The following ADCY1 variants were observed in gnomAD, a reference collection of about 807,000 sequenced individuals.
The protein encoded by ADCY1 is adenylate cyclase type 1.
ADCY1 carries 28 observed loss-of-function variants against 105.4 expected under a neutral mutation model. That is an observed-to-expected ratio of 0.27 (90% CI 0.20 to 0.36). The LOEUF is 0.36. Ranked by LOEUF, ADCY1 falls within the 10% of genes least tolerant of loss-of-function variation. The probability of loss-of-function intolerance (pLI) is 1.00; values close to 1 mark genes in which losing one functional copy is unlikely to be tolerated. For missense variants in ADCY1, 977 were observed against 1,434.2 expected (o/e 0.68, Z 5.15); for synonymous variants, 655 against 623.8 (o/e 1.05, Z -0.75).
intron 14 of ADCY1, among the ~76,000 whole-genome samples, chr7:45,701,958 G>A (rs542383179): frequency 9.9e-5 from 15 of 152,144 alleles, no homozygotes; most frequent in Non-Finnish European, 1.9e-4. Flanking sequence ...AACACCTGGC[G>A]CCGTCTATCT....
At position 45,718,307 on chromosome 7, in the gene ADCY1, C is replaced by G. The variant is rs889109872; in HGVS notation, c.*4312C>G. 2 of 152,240 alleles carry G rather than the reference C, an allele frequency of 1.3e-5. No homozygotes were observed. Among genetic ancestry groups the G allele is most frequent in the African/African-American group, 4.8e-5 (2 of 41,456 alleles). The allele number at this position is 152,240 out of a possible 1,614,324, so 9.4% of individuals were successfully genotyped here. Reference sequence around the variant, plus strand: ...GAGTCTAAAGGATAACATATCAAGGCTTACCTGTGATAGGCCATTTTAAGG... The same window carrying G: ...GAGTCTAAAGGATAACATATCAAGGGTTACCTGTGATAGGCCATTTTAAGG... On this transcript the variant is annotated 3_prime_UTR_variant, in exon 20 of 20. Transcript: ENST00000297323.
chr7:45,587,238 G>C (rs894152476), intron 1 of ADCY1, among the ~76,000 whole-genome samples: 4 of 152,170 alleles, frequency 2.6e-5, no homozygotes, highest in African/African-American at 9.7e-5. Flanking sequence ...AGCATGCTCT[G>C]CCCAGAGCTG....
chr7:45,717,349 G>A lies in ADCY1; in HGVS notation c.*3354G>A, dbSNP rs1424264668. 6.6e-6 allele frequency: 1 copy of A among 152,500 alleles called. No individual in the cohort carries two copies. The highest frequency in any genetic ancestry group is 1.5e-5 in the Non-Finnish European group (1 of 68,034). 9.4% of individuals were successfully genotyped at this position (152,500 alleles called of 1,614,324 possible). A position where few individuals can be genotyped will look rare whatever the true frequency, so the allele number is the denominator to read the frequency against. On this transcript the variant is annotated 3_prime_UTR_variant, in exon 20 of 20. Coordinates refer to ENST00000297323, the MANE Select transcript of ADCY1 (RefSeq NM_021116.4). ...CCCCAGCCACTTCCTGGGAGTTCAG[G>A]AACTGTGTTTAGCCATAATGTCCCT...
rs372892987 is a variant in ADCY1, at chr7:45,686,666, C to T, written c.2447C>T (p.Ala816Val). ...AGGCTGAGGCTGGACTACCTCTGGG[C>T]CGCACAGGCAAGACGAGCCCTTTCT... The part of the protein sequence containing the change: ...DIRLRLDYLW[A>V]AQAEEEREDM... Residue 816 changes from alanine (A) to valine (V), a missense_variant, in exon 14 of 20, where the codon GCC becomes GTC. Physicochemically the swap from Ala to Val is moderately conservative, Grantham distance 64. Around this residue, in one of 7 missense-constraint regions of ADCY1, gnomAD observed 152 missense variants for 293.7 expected, o/e 0.52. Coordinates refer to ENST00000297323, the MANE Select transcript of ADCY1 (RefSeq NM_021116.4). The surrounding 1 kb of genome is among the most constrained non-coding windows in gnomAD (Gnocchi z 4.3). The T allele has an allele frequency of 1.9e-5, 31 of 1,607,966 alleles. No individual in the cohort carries two copies. Among genetic ancestry groups the T allele is most frequent in the Non-Finnish European group, 2.5e-5 (29 of 1,175,998 alleles).
At chr7:45,687,038 G>A (rs752125937) in intron 14 of ADCY1, among the ~76,000 whole-genome samples, 2 of 152,156 alleles carry the variant, frequency 1.3e-5, no homozygotes, top group Admixed American at 6.5e-5. Context: ...AGTGGCAGCA[G>A]GTCTCATCGG....
chr7:45,583,937 GTTTTTT>G lies in ADCY1; in HGVS notation c.639+8778_639+8783del, dbSNP rs869216986. On this transcript the variant is annotated intron_variant, in intron 1 of 19. Transcript: ENST00000297323. ...TTACAGGCATGAGCCACTGTGCCCT[GTTTTTT>G]TTTTTTTTTTTTTTTTTTTTTTCAG... 1.1e-4 allele frequency among the ~76,000 whole-genome samples: 6 copies of G among 56,898 alleles called. No individual in the cohort carries two copies. In the East Asian group the frequency reaches 2.9e-3, roughly 27 times the overall value. The allele number at this position is 56,898 out of a possible 152,430, so 37.3% of individuals were successfully genotyped here.
chr7:45,704,734 G>A, intron 17 of ADCY1, 118 bp downstream of exon 17: 1 of 767,524 alleles, frequency 1.3e-6, no homozygotes, highest in Non-Finnish European at 2.2e-6. Context: ...TTGGATTACA[G>A]GAGCAGCTTG....
chr7:45,656,119 C>G (rs1012138468), intron 5 of ADCY1, among the ~76,000 whole-genome samples: 1 of 150,948 alleles, frequency 6.6e-6, no homozygotes, highest in Non-Finnish European at 1.5e-5. Flanking sequence ...AACCCCGACT[C>G]TATTAAAAAT....
In ADCY1 at chr7:45,710,309, AC is replaced by A. The variant is rs746138963; in HGVS notation, c.2933-216del. Among the ~76,000 whole-genome samples, 14 of 152,030 alleles carry A rather than the reference AC, an allele frequency of 9.2e-5. No individual in the cohort carries two copies. In the East Asian group the frequency reaches 1.2e-3, roughly 13 times the overall value. ...GTGCAGTGGACAGTGTCGTGAGGAG[AC>A]CCTGCCCAGGGGAGCCCGTGCAGCA... On this transcript the variant is annotated intron_variant, in intron 18 of 19. Coordinates refer to ENST00000297323, the MANE Select transcript of ADCY1 (RefSeq NM_021116.4). This position sits in a 1 kb window ranked among gnomAD's most constrained non-coding sequence, Gnocchi z 4.7.
At chr7:45,652,954 T>G (rs1320443823) in intron 5 of ADCY1, among the ~76,000 whole-genome samples, 1 of 152,228 alleles carries the variant, frequency 6.6e-6, no homozygotes, top group East Asian at 1.9e-4. Flanking sequence ...AGTCTGACCC[T>G]GCCCCCAGCT....
intron 8 of ADCY1, among the ~76,000 whole-genome samples, chr7:45,667,803 C>T (rs190803524): frequency 1.4e-4 from 22 of 152,264 alleles, no homozygotes; most frequent in African/African-American, 4.6e-4. Flanking sequence ...TCTTTTATTT[C>T]GTTGAGCAGT....
At position 45,721,436 on chromosome 7, in the gene ADCY1, A is replaced by G; in HGVS notation, c.*7441A>G. ...TTGCGTCTAATTTCAAATATACAGA[A>G]TCTCCTTAAGAGCTGTTGCCTTATT... On this transcript the variant is annotated 3_prime_UTR_variant, in exon 20 of 20. Transcript: ENST00000297323. 1 of 378,714 alleles carries G rather than the reference A, an allele frequency of 2.6e-6. No homozygotes were observed. The highest frequency in any genetic ancestry group is 4.7e-6 in the Non-Finnish European group (1 of 214,156). 23.5% of individuals were successfully genotyped at this position (378,714 alleles called of 1,614,324 possible). A position where few individuals can be genotyped will look rare whatever the true frequency, so the allele number is the denominator to read the frequency against.
Position 45,702,344 on chromosome 7 carries a change from G to A in ADCY1, c.2455-1032G>A, listed in dbSNP as rs143047050. 3.7e-3 allele frequency among the ~76,000 whole-genome samples: 569 copies of A among 152,358 alleles called. 5 individuals carry two copies. Among genetic ancestry groups the A allele is most frequent in the African/African-American group, 0.013 (525 of 41,594 alleles). ...TTTACAATAAGGAAACCACGGCACAGTGAGGCTGCATCTGCTGGCCGGGTC... is the reference window on the plus strand; with the variant it reads ...TTTACAATAAGGAAACCACGGCACAATGAGGCTGCATCTGCTGGCCGGGTC... On this transcript the variant is annotated intron_variant, in intron 14 of 19. Transcript: ENST00000297323.
intron 2 of ADCY1, among the ~76,000 whole-genome samples, chr7:45,607,177 C>T (rs1458469996): frequency 6.6e-6 from 1 of 152,156 alleles, no homozygotes. Flanking sequence ...ATGCAGTTGT[C>T]CTTAGGAACG....
chr7:45,703,834 A>G lies in ADCY1; in HGVS notation c.2718+88A>G. 6.8e-7 allele frequency: 1 copy of G among 1,475,144 alleles called. No homozygotes were observed. Among genetic ancestry groups the G allele is most frequent in the Non-Finnish European group, 9.1e-7 (1 of 1,101,450 alleles). 91.4% of individuals were successfully genotyped at this position (1,475,144 alleles called of 1,614,324 possible). On this transcript the variant is annotated intron_variant, in intron 16 of 19. Coordinates refer to ENST00000297323, the MANE Select transcript of ADCY1 (RefSeq NM_021116.4). This position sits in a 1 kb window ranked among gnomAD's most constrained non-coding sequence, Gnocchi z 5.9. ...CAGAGCGTGTCTCACAATATGTCAC[A>G]TTCTTCGTAGCTGGAATGAGAGAAA...
chr7:45,623,649 A>G (rs1793970125), intron 4 of ADCY1, among the ~76,000 whole-genome samples: 1 of 152,224 alleles, frequency 6.6e-6, no homozygotes, highest in African/African-American at 2.4e-5. Context: ...TCAGATTGAA[A>G]GCTAGAATGT....
chr7:45,621,717 T>C (rs760416804), intron 3 of ADCY1, among the ~76,000 whole-genome samples: 6 of 152,192 alleles, frequency 3.9e-5, no homozygotes, highest in Non-Finnish European at 8.8e-5. Context: ...ATAGGTCATT[T>C]TCCTTTACTT....
intron 1 of ADCY1, among the ~76,000 whole-genome samples, chr7:45,590,746 G>T (rs767340744): frequency 1.3e-5 from 2 of 152,122 alleles, no homozygotes; most frequent in African/African-American, 2.4e-5. Flanking sequence ...GTCTGGGAGA[G>T]ACCATCCTAT....
At chr7:45,660,291 G>A (rs975887290) in intron 7 of ADCY1, 108 bp downstream of exon 7, 41 of 1,456,686 alleles carry the variant, frequency 2.8e-5, no homozygotes, top group South Asian at 1.7e-4. Context: ...GCTTCTCTGG[G>A]CTGTGAACTT....
Sources: allele counts gnomAD v4.1 joint callset (sites outside exome capture counted in the v4.1 genomes callset), GRCh38; gene constraint gnomAD v4.1.1; regional missense constraint gnomAD v4.1.1; non-coding constraint Gnocchi (gnomAD v3.1); transcripts MANE v1.5; gene names NCBI Gene and HGNC (gene_info 2026-07-23, HGNC 2026-07-21).